Variants in VSTM4 observed in about 807,000 individuals in gnomAD.
VSTM4 encodes V-set and transmembrane domain-containing protein 4.
VSTM4 carries 20 observed loss-of-function variants against 36.4 expected under a neutral mutation model. That is an observed-to-expected ratio of 0.55 (90% confidence interval 0.39 to 0.80). The LOEUF (loss-of-function observed/expected upper bound fraction) is 0.80, where lower values mean the gene tolerates loss of function less well. Ranked by LOEUF, VSTM4 falls within the 30% of genes least tolerant of loss-of-function variation. The pLI is 0.00. For missense variants in VSTM4, 392 were observed against 404.5 expected, an observed-to-expected ratio of 0.97 and a Z score of 0.26; for synonymous variants, 182 against 173.9, an observed-to-expected ratio of 1.05 and a Z score of -0.37.
chr10:49,045,695 A>G (rs1843597276), intron 7 of VSTM4, among the ~76,000 whole-genome samples: 1 of 152,194 alleles, frequency 6.6e-6, no homozygotes, highest in African/African-American at 2.4e-5. Flanking sequence ...GAAAGGAGAA[A>G]ATAGTAACTT....
At chr10:49,085,861 C>T (rs1844360525) in intron 3 of VSTM4, 94 bp downstream of exon 3, 13 of 738,506 alleles carry the variant, frequency 1.8e-5, no homozygotes, top group Non-Finnish European at 2.8e-5. Context: ...GCACGTTGTG[C>T]ACATGTACCC....
chr10:49,047,201 C>A (rs1057493661), intron 6 of VSTM4, among the ~76,000 whole-genome samples, 157 bp from the exon 7 acceptor site: 1 of 152,140 alleles, frequency 6.6e-6, no homozygotes, highest in Non-Finnish European at 1.5e-5. Flanking sequence ...TGCCCCTCGG[C>A]GGGCGTGATC....
intron 5 of VSTM4, among the ~76,000 whole-genome samples, chr10:49,061,322 G>A (rs1843873453): frequency 6.6e-6 from 1 of 151,924 alleles, no homozygotes; most frequent in Non-Finnish European, 1.5e-5. Context: ...TTTGATGAAT[G>A]TCCCATGGAG....
At chr10:49,107,539 G>A (rs1470226501) in intron 2 of VSTM4, 55 bp downstream of exon 2, 5 of 1,536,256 alleles carry the variant, frequency 3.3e-6, no homozygotes, top group Admixed American at 2.0e-5. Context: ...CTGCAAAGGG[G>A]GGCCTACTGG....
intron 7 of VSTM4, among the ~76,000 whole-genome samples, chr10:49,032,691 C>T (rs1843364534): frequency 6.6e-6 from 1 of 152,182 alleles, no homozygotes; most frequent in Admixed American, 6.5e-5. Flanking sequence ...TAGACAGGGA[C>T]ACTCTCCTCT....
intron 7 of VSTM4, among the ~76,000 whole-genome samples, chr10:49,026,330 T>C (rs1367543058): frequency 6.6e-6 from 1 of 152,222 alleles, no homozygotes; most frequent in Admixed American, 6.5e-5. Context: ...CAAGACATTC[T>C]GTGGGGCAAG....
intron 3 of VSTM4, among the ~76,000 whole-genome samples, chr10:49,082,169 T>A (rs1459648951): frequency 6.6e-6 from 1 of 152,232 alleles, no homozygotes; most frequent in Admixed American, 6.5e-5. Flanking sequence ...CAGGCTGGAA[T>A]GCCCGCCCAG....
rs552759051 is a variant in VSTM4, at chr10:49,014,684, C to T, written c.*4966G>A. 6.6e-4 allele frequency: 100 copies of T among 152,276 alleles called. No individual in the cohort carries two copies. Among genetic ancestry groups the T allele is most frequent in the African/African-American group, 2.3e-3 (97 of 41,536 alleles). 9.4% of individuals were successfully genotyped at this position (152,276 alleles called of 1,614,324 possible). A position where few individuals can be genotyped will look rare whatever the true frequency, so the allele number is the denominator to read the frequency against. On this transcript the variant is annotated 3_prime_UTR_variant, in exon 8 of 8. Transcript: ENST00000332853. ...TAATTCAGAATGAGCAAAGGCTTAA[C>T]CTCTATTCTCCCTGCCCTCTGCAGA...
chr10:49,020,917 T>C (rs1843174053), intron 7 of VSTM4, among the ~76,000 whole-genome samples: 1 of 152,130 alleles, frequency 6.6e-6, no homozygotes, highest in African/African-American at 2.4e-5. Context: ...AATGCAAAGA[T>C]GGTTTGATAT....
chr10:49,035,346 G>T (rs12764806), intron 7 of VSTM4, among the ~76,000 whole-genome samples: 25,634 of 152,164 alleles, frequency 0.17, 2,369 homozygotes, highest in South Asian at 0.36. Context: ...ATGAATCAGT[G>T]ATGCATTAAA....
intron 2 of VSTM4, among the ~76,000 whole-genome samples, chr10:49,096,803 C>T (rs910895356): frequency 6.6e-6 from 1 of 151,998 alleles, no homozygotes. Context: ...TACAGTCTCC[C>T]GCCACCATGC....
At position 49,085,949 on chromosome 10, in the gene VSTM4, C is replaced by T. The variant is rs767202682; in HGVS notation, c.526+6G>A. On this transcript the variant is annotated splice_donor_region_variant and intron_variant, in intron 3 of 7. Coordinates refer to ENST00000332853, the MANE Select transcript of VSTM4 (RefSeq NM_001031746.5). ...GCAATAAAAAAAAGAAATATACAAG[C>T]TTTACCTTCAAAAAATGCCCAAGTC... 1.9e-6 allele frequency: 3 copies of T among 1,571,314 alleles called. No individual in the cohort carries two copies. Among genetic ancestry groups the T allele is most frequent in the South Asian group, 2.4e-5 (2 of 84,108 alleles).
At position 49,015,624 on chromosome 10, in the gene VSTM4, T is replaced by C. The variant is rs963684324; in HGVS notation, c.*4026A>G. 2.0e-5 allele frequency: 3 copies of C among 152,182 alleles called. No homozygotes were observed. Among genetic ancestry groups the C allele is most frequent in the Admixed American group, 2.0e-4 (3 of 15,282 alleles). 9.4% of individuals were successfully genotyped at this position (152,182 alleles called of 1,614,324 possible). A position where few individuals can be genotyped will look rare whatever the true frequency, so the allele number is the denominator to read the frequency against. On this transcript the variant is annotated 3_prime_UTR_variant, in exon 8 of 8. Coordinates refer to ENST00000332853, the MANE Select transcript of VSTM4 (RefSeq NM_001031746.5). ...ACAGTTTCTATCCTATGTATGGAGA[T>C]GGGAGTGTGGTCTGGAGTGGGGTCA...
chr10:49,065,447 G>A (rs1843956527), intron 4 of VSTM4, among the ~76,000 whole-genome samples: 1 of 152,146 alleles, frequency 6.6e-6, no homozygotes, highest in Non-Finnish European at 1.5e-5. Context: ...ACTGACTCTG[G>A]GCTTGGCCAT....
At chr10:49,019,822 G>A (rs1224670593) in intron 7 of VSTM4, 47 bp from the exon 8 acceptor site, 4 of 1,588,294 alleles carry the variant, frequency 2.5e-6, no homozygotes, top group African/African-American at 1.3e-5. Flanking sequence ...CTGACCACAG[G>A]AGCTCTACAT....
intron 5 of VSTM4, among the ~76,000 whole-genome samples, chr10:49,055,524 T>C (rs949021716): frequency 2.0e-5 from 3 of 152,178 alleles, no homozygotes; most frequent in Non-Finnish European, 4.4e-5. Flanking sequence ...GTAAAATGAA[T>C]AATAGTAACA....
intron 7 of VSTM4, among the ~76,000 whole-genome samples, chr10:49,042,362 T>C (rs570887294): frequency 2.6e-5 from 4 of 152,236 alleles, no homozygotes; most frequent in Admixed American, 6.5e-5. Context: ...GAACCCACTA[T>C]ATGAAAAGCC....
At chr10:49,094,243 A>C (rs1037699950) in intron 2 of VSTM4, among the ~76,000 whole-genome samples, 2 of 152,196 alleles carry the variant, frequency 1.3e-5, no homozygotes, top group Non-Finnish European at 2.9e-5. Context: ...CTGGCTGCAG[A>C]GGCTAACTTC....
intron 7 of VSTM4, among the ~76,000 whole-genome samples, chr10:49,025,212 T>C (rs554221260): frequency 1.3e-5 from 2 of 152,246 alleles, no homozygotes; most frequent in Admixed American, 1.3e-4. Context: ...ACTATGTGAC[T>C]GTGGTGTTTT....
Sources: gnomAD v4.1 joint callset for allele counts (sites outside exome capture counted in the v4.1 genomes callset) on GRCh38, gnomAD v4.1.1 for gene constraint, MANE v1.5 for transcripts, NCBI Gene and HGNC (gene_info 2026-07-23, HGNC 2026-07-21) for gene names.